The following SOX6 variants were observed in gnomAD, a reference collection of about 807,000 sequenced individuals.
The protein encoded by SOX6 is transcription factor SOX-6.
Under a neutral mutation model 97.8 loss-of-function variants are expected in SOX6, and 11 were observed. That is an observed-to-expected ratio of 0.11 (90% CI 0.07 to 0.19). The LOEUF is 0.19. Among genes scored for constraint, SOX6 ranks in the 10% least tolerant of loss-of-function variants. The pLI, the probability that SOX6 is intolerant of heterozygous loss-of-function variation, is 1.00. For synonymous variants in SOX6, 360 were observed against 371.4 expected (o/e 0.97, Z 0.35); for missense variants, 810 against 1,039.5 (o/e 0.78, Z 3.04).
At chr11:16,143,444 T>C (rs1850203216) in intron 6 of SOX6, among the ~76,000 whole-genome samples, 2 of 152,144 alleles carry the variant, frequency 1.3e-5, no homozygotes, top group Non-Finnish European at 2.9e-5. Context: ...CTGCATCAAC[T>C]AACGAGCAAA....
rs76392730 is a variant in SOX6, at chr11:16,131,007, G to T, written c.778-19084C>A. Among the ~76,000 whole-genome samples the T allele has an allele frequency of 7.3e-5, 11 of 151,620 alleles. No individual in the cohort carries two copies. The South Asian group carries it at 2.3e-3, about 31-fold the overall frequency. On this transcript the variant is annotated intron_variant, in intron 6 of 15. Coordinates refer to ENST00000683767, the MANE Select transcript of SOX6 (RefSeq NM_001367873.1). ...ACCATAAGACCTAAAACTGAAAAAC[G>T]TCTAGAAGAAAACATAAGAGAAAAT...
At chr11:16,329,940 TACTC>T (rs1289250143) in intron 2 of SOX6, among the ~76,000 whole-genome samples, 1 of 152,192 alleles carries the variant, frequency 6.6e-6, no homozygotes, top group African/African-American at 2.4e-5. Flanking sequence ...ATTCAATACA[TACTC>T]ACAGCTATTA....
At chr11:16,558,799 G>C (rs1473295710) in intron 4 of SOX6, among the ~76,000 whole-genome samples, 1 of 151,926 alleles carries the variant, frequency 6.6e-6, no homozygotes, top group Non-Finnish European at 1.5e-5. Flanking sequence ...TCCATATGGA[G>C]GGCCAATTTA....
chr11:16,481,927 T>C (rs894744795), intron 4 of SOX6, among the ~76,000 whole-genome samples: 1 of 151,562 alleles, frequency 6.6e-6, no homozygotes, highest in East Asian at 1.9e-4. Context: ...AAGTATTTTA[T>C]GAAATACAAG....
chr11:16,640,169 A>T (rs1180510604), intron 3 of SOX6, among the ~76,000 whole-genome samples: 1 of 152,130 alleles, frequency 6.6e-6, no homozygotes, highest in Non-Finnish European at 1.5e-5. Context: ...AGAGATTATC[A>T]TGTGGTTTTT....
intron 14 of SOX6, 112 bp downstream of exon 14, chr11:15,988,885 C>T (rs1053044247): frequency 1.7e-5 from 19 of 1,091,928 alleles, no homozygotes; most frequent in Admixed American, 3.8e-5. Flanking sequence ...GTCTAACTTG[C>T]GCCCGCCACA....
At chr11:16,713,821 C>T (rs1475852386) in intron 3 of SOX6, among the ~76,000 whole-genome samples, 1 of 152,188 alleles carries the variant, frequency 6.6e-6, no homozygotes, top group Non-Finnish European at 1.5e-5. Context: ...TCAAATCAGG[C>T]AGCTACTAAA....
At chr11:15,986,142 G>A in intron 15 of SOX6, 62 bp downstream of exon 15, 1 of 1,411,092 alleles carries the variant, frequency 7.1e-7, no homozygotes, top group Non-Finnish European at 1.0e-6. Flanking sequence ...ACTGCCAGTA[G>A]CCATCCTATA....
At chr11:16,659,575 C>A (rs905468246) in intron 3 of SOX6, among the ~76,000 whole-genome samples, 1 of 152,130 alleles carries the variant, frequency 6.6e-6, no homozygotes, top group African/African-American at 2.4e-5. Context: ...TAATGGTGGG[C>A]TTTTGACTGG....
intron 3 of SOX6, among the ~76,000 whole-genome samples, chr11:16,247,455 G>T (rs1264220515): frequency 6.6e-6 from 1 of 152,092 alleles, no homozygotes; most frequent in Non-Finnish European, 1.5e-5. Context: ...GCCCGAGACT[G>T]GGTAATTTAT....
In SOX6 at chr11:16,381,021, T is replaced by A. The variant is rs577370260; in HGVS notation, c.-4-39769A>T. Among the ~76,000 whole-genome samples the A allele has an allele frequency of 4.6e-5, 7 of 152,146 alleles. No homozygotes were observed. In the South Asian group the frequency reaches 1.4e-3, roughly 32 times the overall value. On this transcript the variant is annotated intron_variant, in intron 1 of 15. Coordinates refer to the SOX6 transcript ENST00000396356. ...TTAAACTTACAGTAAAAAAATAGAT[T>A]CTTTAGCTTTATAATTATAGAAAAA...
intron 6 of SOX6, among the ~76,000 whole-genome samples, chr11:16,134,116 A>G (rs543650624): frequency 4.6e-5 from 7 of 152,236 alleles, no homozygotes; most frequent in Non-Finnish European, 1.0e-4. Context: ...GCATTAACAC[A>G]TTTAATTCTC....
At chr11:16,427,905 A>T (rs1859182877) in intron 1 of SOX6, among the ~76,000 whole-genome samples, 1 of 152,172 alleles carries the variant, frequency 6.6e-6, no homozygotes, top group Non-Finnish European at 1.5e-5. Context: ...GAATCGCCAC[A>T]CTGACTTCCA....
intron 9 of SOX6, among the ~76,000 whole-genome samples, chr11:16,080,020 A>G (rs891413070): frequency 6.7e-6 from 1 of 148,958 alleles, no homozygotes; most frequent in African/African-American, 2.6e-5. Context: ...TTCCTATAGC[A>G]GGTAAAGCAG....
intron 1 of SOX6, among the ~76,000 whole-genome samples, chr11:16,437,811 T>C (rs947843505): frequency 1.4e-4 from 22 of 152,326 alleles, no homozygotes; most frequent in Admixed American, 1.4e-3. Context: ...GGAAAATAGA[T>C]ATAATAAATA....
rs531030648 is a variant in SOX6, at chr11:16,113,194, A to G, written c.778-1271T>C. Among the ~76,000 whole-genome samples, 26 of 151,940 alleles carry G rather than the reference A, an allele frequency of 1.7e-4. No individual in the cohort carries two copies. The South Asian group carries it at 5.0e-3, about 29-fold the overall frequency. On this transcript the variant is annotated intron_variant, in intron 6 of 15. Coordinates refer to ENST00000683767, the MANE Select transcript of SOX6 (RefSeq NM_001367873.1). ...TGTGTAGGTCTAAGAGGTTTCGTTT[A>G]CCAACAGTTTTTCTCTAGGGAAAGC...
intron 12 of SOX6, chr11:16,023,234 A>G (rs1009102851): frequency 1.3e-5 from 2 of 151,966 alleles, no homozygotes; most frequent in Non-Finnish European, 2.9e-5. Flanking sequence ...ATAGAAAAAT[A>G]TATATTACAA....
At chr11:16,711,732 C>T (rs2134048016) in intron 3 of SOX6, among the ~76,000 whole-genome samples, 2 of 151,156 alleles carry the variant, frequency 1.3e-5, no homozygotes. Context: ...TTCTTTTTTT[C>T]CATAAGTGAT....
chr11:16,407,054 G>C (rs1018193857), intron 1 of SOX6, among the ~76,000 whole-genome samples: 3 of 151,992 alleles, frequency 2.0e-5, no homozygotes, highest in African/African-American at 7.2e-5. Context: ...ACCTTAATAA[G>C]GTTTCAAAAC....
Sources: gnomAD v4.1 joint callset for allele counts (sites outside exome capture counted in the v4.1 genomes callset) on GRCh38, gnomAD v4.1.1 for gene constraint, MANE v1.5 for transcripts, NCBI Gene and HGNC (gene_info 2026-07-23, HGNC 2026-07-21) for gene names.